Variants in PPP2R3C observed in about 807,000 individuals in gnomAD.
PPP2R3C encodes serine/threonine-protein phosphatase 2A regulatory subunit B'' subunit gamma.
PPP2R3C carries 47 observed loss-of-function variants against 63.7 expected under a neutral mutation model. That is an observed-to-expected ratio of 0.74 (90% CI 0.58 to 0.94). The LOEUF (loss-of-function observed/expected upper bound fraction) is 0.94, where lower values mean the gene tolerates loss of function less well. PPP2R3C is among the 40% of genes least tolerant of loss of function. The pLI, the probability that PPP2R3C is intolerant of heterozygous loss-of-function variation, is 0.00. For missense variants in PPP2R3C, 421 were observed against 518.4 expected, an observed-to-expected ratio of 0.81 and a Z score of 1.82; for synonymous variants, 180 against 177.4, an observed-to-expected ratio of 1.01 and a Z score of -0.12.
chr14:35,089,743 G>C (rs2138603415), intron 11 of PPP2R3C, among the ~76,000 whole-genome samples: 1 of 152,066 alleles, frequency 6.6e-6, no homozygotes, highest in Admixed American at 6.6e-5. Flanking sequence ...TCGGCTCACT[G>C]CAAGCTCTGC....
chr14:35,121,900 A>G lies in PPP2R3C; in HGVS notation c.58+2T>C. 1.2e-6 allele frequency: 2 copies of G among 1,613,848 alleles called. No homozygotes were observed. The highest frequency in any genetic ancestry group is 2.2e-5 in the South Asian group (2 of 91,070). ...CAACGGGCTGCCCCTCCCAAAACTC[A>G]CTGTTTGGACAGGTGTTGGGCGTCG... is the stretch of plus-strand genomic sequence containing the variant. On this transcript the variant is annotated splice_donor_variant, in intron 1 of 12. Coordinates refer to ENST00000261475, the MANE Select transcript of PPP2R3C (RefSeq NM_017917.4). LOFTEE classifies it high-confidence loss of function.
chr14:35,116,989 A>C (rs1367626819), intron 1 of PPP2R3C: 1 of 432,540 alleles, frequency 2.3e-6, no homozygotes, highest in African/African-American at 2.0e-5. Context: ...CGCTAAAGCT[A>C]GTCTCTTCCT....
At chr14:35,114,675 GA>G (rs1047325004) in intron 2 of PPP2R3C, among the ~76,000 whole-genome samples, 1 of 147,926 alleles carries the variant, frequency 6.8e-6, no homozygotes, top group Non-Finnish European at 1.5e-5. Context: ...TAGACCTTAA[GA>G]AAAAAAAATA....
chr14:35,110,795 C>T (rs768495435), intron 2 of PPP2R3C, 166 bp from the exon 3 acceptor site: 3 of 553,542 alleles, frequency 5.4e-6, no homozygotes, highest in Non-Finnish European at 6.3e-6. Flanking sequence ...CACAGAGAAT[C>T]GGTGATCAGA....
At chr14:35,108,112 A>G in intron 5 of PPP2R3C, 27 bp downstream of exon 5, 2 of 1,597,074 alleles carry the variant, frequency 1.3e-6, no homozygotes, top group Non-Finnish European at 1.7e-6. Context: ...CCAGATAAGG[A>G]GTTCAAGCAC....
chr14:35,114,317 G>A (rs1487056786), intron 2 of PPP2R3C, among the ~76,000 whole-genome samples: 2 of 152,066 alleles, frequency 1.3e-5, no homozygotes, highest in Non-Finnish European at 2.9e-5. Context: ...ATAAATATAG[G>A]CTAGGATTAC....
At chr14:35,109,092 CT>C (rs2046458539) in intron 4 of PPP2R3C, among the ~76,000 whole-genome samples, 1 of 151,036 alleles carries the variant, frequency 6.6e-6, no homozygotes, top group Non-Finnish European at 1.5e-5. Flanking sequence ...GAGTCTTGCT[CT>C]TTTGCCAAGC....
chr14:35,092,625 C>A (rs145768289), intron 10 of PPP2R3C, among the ~76,000 whole-genome samples: 352 of 152,030 alleles, frequency 2.3e-3, no homozygotes, highest in Non-Finnish European at 4.3e-3. Context: ...CACCACCACG[C>A]CTGGCTAATT....
chr14:35,092,249 T>A (rs1185791197), intron 10 of PPP2R3C, among the ~76,000 whole-genome samples: 1 of 151,864 alleles, frequency 6.6e-6, no homozygotes, highest in Non-Finnish European at 1.5e-5. Context: ...TTTAAATTCT[T>A]TGTAGAGATG....
At chr14:35,111,501 C>A (rs2046559748) in intron 2 of PPP2R3C, among the ~76,000 whole-genome samples, 1 of 152,182 alleles carries the variant, frequency 6.6e-6, no homozygotes, top group Non-Finnish European at 1.5e-5. Context: ...ACTAAACTGC[C>A]TTTGTAAAAC....
chr14:35,096,393 A>G (rs1287413335), intron 9 of PPP2R3C, among the ~76,000 whole-genome samples, 165 bp downstream of exon 9: 3 of 152,204 alleles, frequency 2.0e-5, no homozygotes, highest in African/African-American at 7.2e-5. Context: ...AAGTTAAAAC[A>G]TCGGTATTTA....
At chr14:35,096,825 T>TA (rs925454484) in intron 7 of PPP2R3C, 61 bp from the exon 8 acceptor site, 56 of 1,423,628 alleles carry the variant, frequency 3.9e-5, no homozygotes, top group African/African-American at 7.3e-5. Flanking sequence ...CTCAATTAAT[T>TA]AAAAAAAAAT....
intron 5 of PPP2R3C, chr14:35,107,816 T>A: frequency 3.2e-6 from 1 of 312,876 alleles, no homozygotes. Context: ...GGTTTGAAAC[T>A]ATCAGTCAAC....
At chr14:35,093,545 T>C (rs1488578333) in intron 10 of PPP2R3C, among the ~76,000 whole-genome samples, 1 of 152,156 alleles carries the variant, frequency 6.6e-6, no homozygotes, top group Non-Finnish European at 1.5e-5. Context: ...CTAATGGTGT[T>C]ATTTAGCAAA....
At position 35,116,796 on chromosome 14, in the gene PPP2R3C, G is replaced by T. The variant is rs1402052621; in HGVS notation, c.59-59C>A. The T allele has an allele frequency of 5.3e-6, 7 of 1,318,686 alleles. No individual in the cohort carries two copies. In the African/African-American group the frequency reaches 9.0e-5, roughly 17 times the overall value. 81.7% of individuals were successfully genotyped at this position (1,318,686 alleles called of 1,614,324 possible). Reference sequence around the variant, plus strand: ...AAAATCAAGCAGTACTTTTACTCAGGTCATCCTATATATTATATTAATAGT... The same window carrying T: ...AAAATCAAGCAGTACTTTTACTCAGTTCATCCTATATATTATATTAATAGT... On this transcript the variant is annotated intron_variant, in intron 1 of 12. Transcript: ENST00000261475.
At chr14:35,117,128 C>T (rs1310909257) in intron 1 of PPP2R3C, 2 of 455,826 alleles carry the variant, frequency 4.4e-6, no homozygotes, top group East Asian at 6.9e-5. Context: ...AAGACAGCCC[C>T]AGCCCCTGAC....
chr14:35,118,563 G>C (rs901099666), intron 1 of PPP2R3C, among the ~76,000 whole-genome samples: 2 of 152,048 alleles, frequency 1.3e-5, no homozygotes, highest in African/African-American at 4.8e-5. Flanking sequence ...GCACAAAACA[G>C]GCATGCAATA....
At chr14:35,120,598 T>C (rs542823182) in intron 1 of PPP2R3C, among the ~76,000 whole-genome samples, 59 of 152,192 alleles carry the variant, frequency 3.9e-4, no homozygotes, top group Non-Finnish European at 6.5e-4. Flanking sequence ...TTCATCAGCT[T>C]AAAGTAAGAA....
At chr14:35,113,482 G>C (rs2046623763) in intron 2 of PPP2R3C, among the ~76,000 whole-genome samples, 1 of 152,122 alleles carries the variant, frequency 6.6e-6, no homozygotes, top group South Asian at 2.1e-4. Context: ...AGAAAGTTCA[G>C]TCCTGGGCTC....
Sources: allele counts gnomAD v4.1 joint callset (sites outside exome capture counted in the v4.1 genomes callset), GRCh38; gene constraint gnomAD v4.1.1; transcripts MANE v1.5; gene names NCBI Gene and HGNC (gene_info 2026-07-23, HGNC 2026-07-21).